HS3ST5: variants seen among roughly 807,000 people sequenced by gnomAD.
HS3ST5 encodes heparan sulfate glucosamine 3-O-sulfotransferase 5.
In HS3ST5, 10 loss-of-function variants were observed where a neutral mutation model predicts 25.4. The ratio of observed to expected loss-of-function variants is 0.39; its 90% CI spans 0.24 to 0.67. The LOEUF (loss-of-function observed/expected upper bound fraction) is 0.67. HS3ST5 is among the 30% of genes least tolerant of loss of function. The pLI, the probability that HS3ST5 is intolerant of heterozygous loss-of-function variation, is 0.44. For missense variants in HS3ST5, 324 were observed against 420.7 expected, an observed-to-expected ratio of 0.77 and a Z score of 2.01; for synonymous variants, 170 against 162.4, an observed-to-expected ratio of 1.05 and a Z score of -0.36.
rs538519838 is a variant in HS3ST5 at position 114,109,806 on chromosome 6, A to G, written c.-32-46929T>C. Among the ~76,000 whole-genome samples, 7 of 152,274 alleles carry G rather than the reference A, an allele frequency of 4.6e-5. No individual in the cohort carries two copies. The South Asian group carries it at 1.4e-3, about 32-fold the overall frequency. On this transcript the variant is annotated intron_variant, in intron 3 of 4. Coordinates refer to ENST00000312719, the MANE Select transcript of HS3ST5 (RefSeq NM_153612.4). ...CAAATAGCAATTCTGCCTTAATTTA[A>G]TATTTATTTATTGCCTACTATATGC... is the stretch of plus-strand genomic sequence containing the variant.
chr6:114,076,136 CT>C (rs1186871971), intron 3 of HS3ST5, among the ~76,000 whole-genome samples: 2 of 152,318 alleles, frequency 1.3e-5, no homozygotes, highest in East Asian at 3.9e-4. Flanking sequence ...TCTGCTCCTT[CT>C]GTGGGGCAGG....
intron 2 of HS3ST5, among the ~76,000 whole-genome samples, chr6:114,196,279 C>T (rs2460437): frequency 1 from 152,041 of 152,276 alleles, 75,904 homozygotes; most frequent in Middle Eastern, 1. Context: ...TACATTAAAT[C>T]AGGGAAATTA....
intron 1 of HS3ST5, among the ~76,000 whole-genome samples, chr6:114,338,606 C>T (rs967829684): frequency 8.0e-4 from 122 of 152,072 alleles, no homozygotes; most frequent in African/African-American, 2.9e-3. Context: ...ATCTTTTACT[C>T]TACTTTTGAT....
chr6:114,256,004 T>C (rs186532622), intron 1 of HS3ST5, among the ~76,000 whole-genome samples: 1 of 152,196 alleles, frequency 6.6e-6, no homozygotes, highest in African/African-American at 2.4e-5. Context: ...GGGTTTTTCT[T>C]TTCTATCACA....
At chr6:114,090,645 C>T (rs1775074163) in intron 3 of HS3ST5, among the ~76,000 whole-genome samples, 1 of 152,186 alleles carries the variant, frequency 6.6e-6, no homozygotes, top group South Asian at 2.1e-4. Context: ...TCCCTTCTCC[C>T]ATTTCCTTTT....
At chr6:114,250,879 A>G (rs9654628) in intron 1 of HS3ST5, among the ~76,000 whole-genome samples, 6,774 of 152,308 alleles carry the variant, frequency 0.044, 227 homozygotes, top group African/African-American at 0.097. Context: ...TCATGACTAA[A>G]AAGTTGAGTG....
rs1389116233 is a variant in HS3ST5, at chr6:114,342,214, G to A, written c.-358C>T. ...GCTCACCGTGGTCCCCGGCGGTGGC[G>A]GCGCGGGCGGGAGCCTCAGGGCGCG... On this transcript the variant is annotated 5_prime_UTR_variant, in exon 1 of 5. Transcript: ENST00000312719. 1 of 152,886 alleles carries A rather than the reference G, an allele frequency of 6.5e-6. No homozygotes were observed. Among genetic ancestry groups the A allele is most frequent in the African/African-American group, 2.4e-5 (1 of 41,390 alleles). The allele number at this position is 152,886 out of a possible 1,614,324, so 9.5% of individuals were successfully genotyped here. A position where few individuals can be genotyped will look rare whatever the true frequency, so the allele number is the denominator to read the frequency against.
intron 3 of HS3ST5, among the ~76,000 whole-genome samples, chr6:114,162,837 T>C (rs1158488722): frequency 6.6e-6 from 1 of 152,192 alleles, no homozygotes; most frequent in Non-Finnish European, 1.5e-5. Context: ...CCTCCAGCCA[T>C]GAAGTTGGAG....
At chr6:114,261,432 G>A (rs1264019063) in intron 1 of HS3ST5, among the ~76,000 whole-genome samples, 1 of 152,078 alleles carries the variant, frequency 6.6e-6, no homozygotes, top group African/African-American at 2.4e-5. Flanking sequence ...TGCATGAGAG[G>A]GAAGCTGGCT....
intron 1 of HS3ST5, among the ~76,000 whole-genome samples, chr6:114,334,857 C>T (rs538761441): frequency 1.2e-4 from 18 of 152,238 alleles, no homozygotes; most frequent in African/African-American, 3.9e-4. Context: ...ATTTTAAAAT[C>T]GATTCAATTG....
chr6:114,191,451 T>C (rs956672315), intron 2 of HS3ST5, among the ~76,000 whole-genome samples: 7 of 152,198 alleles, frequency 4.6e-5, no homozygotes, highest in African/African-American at 1.4e-4. Flanking sequence ...ACTATACTTA[T>C]TTGTTCTGAA....
intron 4 of HS3ST5, among the ~76,000 whole-genome samples, chr6:114,060,812 C>T (rs973281300): frequency 1.3e-5 from 2 of 152,146 alleles, no homozygotes; most frequent in African/African-American, 2.4e-5. Flanking sequence ...GCAGAATAGT[C>T]GCTTTTTGGA....
At chr6:114,081,707 T>C (rs1438050560) in intron 3 of HS3ST5, among the ~76,000 whole-genome samples, 1 of 152,168 alleles carries the variant, frequency 6.6e-6, no homozygotes, top group Non-Finnish European at 1.5e-5. Flanking sequence ...ATAGGTACAT[T>C]TTTTAGTCAG....
chr6:114,225,228 A>T (rs1478343940), intron 2 of HS3ST5, among the ~76,000 whole-genome samples: 1 of 151,668 alleles, frequency 6.6e-6, no homozygotes, highest in Non-Finnish European at 1.5e-5. Context: ...TCTACATAAA[A>T]CCCTTCAAAT....
At chr6:114,277,765 T>C (rs12665133) in intron 1 of HS3ST5, among the ~76,000 whole-genome samples, 50,452 of 151,842 alleles carry the variant, frequency 0.33, 8,521 homozygotes, top group East Asian at 0.39. Context: ...TATGCAGATA[T>C]TATTCAAGGT....
intron 3 of HS3ST5, chr6:114,088,794 A>G (rs1205644343): frequency 6.6e-6 from 1 of 152,214 alleles, no homozygotes; most frequent in Non-Finnish European, 1.5e-5. Context: ...TCATAATTTA[A>G]TGAATAGGGA....
intron 3 of HS3ST5, among the ~76,000 whole-genome samples, chr6:114,075,486 TA>T (rs940553202): frequency 6.6e-6 from 1 of 152,244 alleles, no homozygotes; most frequent in African/African-American, 2.4e-5. Context: ...CAGACATTAC[TA>T]AAGTAACTAC....
At chr6:114,302,212 G>C (rs1252496836) in intron 1 of HS3ST5, among the ~76,000 whole-genome samples, 7 of 152,034 alleles carry the variant, frequency 4.6e-5, no homozygotes, top group Non-Finnish European at 1.0e-4. Flanking sequence ...GGCTCAACTA[G>C]GTAATGAGAA....
intron 3 of HS3ST5, among the ~76,000 whole-genome samples, chr6:114,138,952 T>A (rs991884714): frequency 1.3e-5 from 2 of 152,216 alleles, no homozygotes; most frequent in Non-Finnish European, 2.9e-5. Flanking sequence ...GATCTCTTTT[T>A]GTAAAGCTAC....
Sources: allele counts gnomAD v4.1 joint callset (sites outside exome capture counted in the v4.1 genomes callset), GRCh38; gene constraint gnomAD v4.1.1; transcripts MANE v1.5; gene names NCBI Gene and HGNC (gene_info 2026-07-23, HGNC 2026-07-21).